Variants in PRKG1 observed in about 807,000 individuals in gnomAD.
PRKG1 encodes the protein protein kinase cGMP-dependent 1, also known as cGMP-dependent protein kinase 1.
In PRKG1, 35 loss-of-function variants were observed where a neutral mutation model predicts 88.1. That is an observed-to-expected ratio of 0.40 (90% CI 0.30 to 0.53). The LOEUF is 0.53. Among genes scored for constraint, PRKG1 ranks in the 20% least tolerant of loss-of-function variants. The pLI is 0.59. For missense variants in PRKG1, 540 were observed against 839.8 expected, an observed-to-expected ratio of 0.64 and a Z score of 4.41; for synonymous variants, 303 against 292.5, an observed-to-expected ratio of 1.04 and a Z score of -0.37.
chr10:51,863,857 A>G (rs185100819), intron 4 of PRKG1, among the ~76,000 whole-genome samples: 136 of 152,290 alleles, frequency 8.9e-4, no homozygotes, highest in African/African-American at 3.0e-3. Flanking sequence ...GTTTAGCTTC[A>G]ACTCTGTCCT....
At chr10:51,851,625 A>C (rs1840557804) in intron 4 of PRKG1, among the ~76,000 whole-genome samples, 1 of 152,208 alleles carries the variant, frequency 6.6e-6, no homozygotes, top group Admixed American at 6.5e-5. Context: ...ATTTTAAAGA[A>C]CTATTAAAAT....
At chr10:51,960,122 C>CCT (rs1554860918) in intron 5 of PRKG1, among the ~76,000 whole-genome samples, 2 of 144,678 alleles carry the variant, frequency 1.4e-5, no homozygotes, top group East Asian at 2.0e-4. Flanking sequence ...CTTTGGTTTC[C>CCT]TTTTTTTTTT....
At chr10:51,625,914 T>C (rs1839325587) in intron 3 of PRKG1, among the ~76,000 whole-genome samples, 1 of 152,180 alleles carries the variant, frequency 6.6e-6, no homozygotes, top group South Asian at 2.1e-4. Flanking sequence ...ATGTATATTC[T>C]TATGGAACTT....
At chr10:51,730,016 A>G (rs953114332) in intron 3 of PRKG1, among the ~76,000 whole-genome samples, 2 of 152,204 alleles carry the variant, frequency 1.3e-5, no homozygotes, top group African/African-American at 2.4e-5. Context: ...TTGACCCGTC[A>G]TTACCCAAAG....
chr10:51,315,775 C>T (rs550743127), intron 2 of PRKG1, among the ~76,000 whole-genome samples: 12 of 152,210 alleles, frequency 7.9e-5, no homozygotes, highest in South Asian at 2.1e-4. Flanking sequence ...TAGTTATGCA[C>T]GGGGATTTGA....
At chr10:52,124,914 C>G (rs1470119396) in intron 7 of PRKG1, among the ~76,000 whole-genome samples, 1 of 152,012 alleles carries the variant, frequency 6.6e-6, no homozygotes, top group African/African-American at 2.4e-5. Context: ...ACGTCTTGTC[C>G]CCTTGGAAGG....
chr10:51,338,712 T>A (rs1241709723), intron 2 of PRKG1, among the ~76,000 whole-genome samples: 1 of 152,208 alleles, frequency 6.6e-6, no homozygotes, highest in Non-Finnish European at 1.5e-5. Flanking sequence ...ACTTCATCAT[T>A]TCAGATAAAT....
At chr10:51,021,917 G>C (rs947143506) in intron 1 of PRKG1, among the ~76,000 whole-genome samples, 2 of 152,132 alleles carry the variant, frequency 1.3e-5, no homozygotes, top group African/African-American at 4.8e-5. Context: ...CTGACCTCAG[G>C]CAATCCACCT....
At chr10:52,233,071 C>T (rs899547992) in intron 9 of PRKG1, among the ~76,000 whole-genome samples, 3 of 151,778 alleles carry the variant, frequency 2.0e-5, no homozygotes, top group Non-Finnish European at 4.4e-5. Flanking sequence ...TATATAGTTT[C>T]TTCTATTATC....
chr10:52,072,330 C>A (rs5013005), intron 7 of PRKG1, among the ~76,000 whole-genome samples: 5 of 151,462 alleles, frequency 3.3e-5, no homozygotes, highest in Admixed American at 2.0e-4. Context: ...TTGTGGCTGT[C>A]CAAAACAAAA....
At chr10:51,575,136 TGTG>T (rs894498573) in intron 3 of PRKG1, among the ~76,000 whole-genome samples, 1 of 152,000 alleles carries the variant, frequency 6.6e-6, no homozygotes, top group African/African-American at 2.4e-5. Context: ...CAGTGATGCC[TGTG>T]GTACTGAGAA....
intron 5 of PRKG1, among the ~76,000 whole-genome samples, chr10:51,973,017 A>G (rs923689774): frequency 6.6e-6 from 1 of 152,138 alleles, no homozygotes; most frequent in Admixed American, 6.6e-5. Context: ...GCTTCTTTCT[A>G]AGGGTTCCCT....
intron 2 of PRKG1, among the ~76,000 whole-genome samples, chr10:51,371,306 C>T (rs1268834778): frequency 9.2e-5 from 14 of 151,518 alleles, no homozygotes; most frequent in East Asian, 3.9e-4. Context: ...GGAGGTTGAT[C>T]GGGGGAGGAT....
chr10:52,273,230 T>C (rs999303071), intron 12 of PRKG1, among the ~76,000 whole-genome samples: 2 of 152,090 alleles, frequency 1.3e-5, no homozygotes, highest in African/African-American at 4.8e-5. Flanking sequence ...AGGAGATCAT[T>C]ATCTACCCTG....
chr10:52,288,018 T>A (rs1047149508), intron 14 of PRKG1, among the ~76,000 whole-genome samples: 4 of 151,876 alleles, frequency 2.6e-5, no homozygotes, highest in Non-Finnish European at 5.9e-5. Flanking sequence ...GGCATAAGGG[T>A]GCTATAAAAG....
chr10:51,531,388 A>G (rs975954736), intron 3 of PRKG1, among the ~76,000 whole-genome samples: 2 of 152,212 alleles, frequency 1.3e-5, no homozygotes, highest in African/African-American at 2.4e-5. Flanking sequence ...TAATAGGTAC[A>G]TAATACTGAA....
intron 2 of PRKG1, among the ~76,000 whole-genome samples, chr10:51,225,041 T>C (rs1047480570): frequency 6.6e-6 from 1 of 152,198 alleles, no homozygotes; most frequent in Non-Finnish European, 1.5e-5. Context: ...TGAAAGGAAA[T>C]ATACACTGTT....
intron 7 of PRKG1, among the ~76,000 whole-genome samples, chr10:52,116,028 A>G (rs752180497): frequency 1.4e-4 from 21 of 152,114 alleles, no homozygotes; most frequent in Non-Finnish European, 1.6e-4. Flanking sequence ...ACAGAAAAAA[A>G]AGAGGTGCCA....
intron 2 of PRKG1, among the ~76,000 whole-genome samples, chr10:51,279,656 T>C (rs1304162581): frequency 6.6e-6 from 1 of 152,234 alleles, no homozygotes. Context: ...TCTTTTGATC[T>C]TTGTTGGTTT....
Sources: gnomAD v4.1 joint callset for allele counts (sites outside exome capture counted in the v4.1 genomes callset) on GRCh38, gnomAD v4.1.1 for gene constraint, MANE v1.5 for transcripts, NCBI Gene and HGNC (gene_info 2026-07-23, HGNC 2026-07-21) for gene names.